The following TXNRD1 variants were observed in gnomAD, a reference collection of about 807,000 sequenced individuals.
TXNRD1 encodes thioredoxin reductase 1, cytoplasmic.
TXNRD1 carries 57 observed loss-of-function variants against 80.3 expected under a neutral mutation model. The ratio of observed to expected loss-of-function variants is 0.71; its 90% CI spans 0.57 to 0.89. TXNRD1 has a LOEUF of 0.89. Ranked by LOEUF, TXNRD1 falls within the 40% of genes least tolerant of loss-of-function variation. TXNRD1 has a pLI of 0.00. For synonymous variants in TXNRD1, 291 were observed against 285.2 expected, an observed-to-expected ratio of 1.02 and a Z score of -0.20; for missense variants, 730 against 803.0, an observed-to-expected ratio of 0.91 and a Z score of 1.10.
At position 104,313,334 on chromosome 12, in the gene TXNRD1, C is replaced by G. The variant is rs1264479504; in HGVS notation, c.610+17C>G. The G allele has an allele frequency of 2.6e-6, 4 of 1,554,428 alleles. No individual in the cohort carries two copies. The highest frequency in any genetic ancestry group is 2.4e-5 in the South Asian group (2 of 83,456). On this transcript the variant is annotated intron_variant, in intron 6 of 16. Coordinates refer to ENST00000525566, the MANE Select transcript of TXNRD1 (RefSeq NM_001093771.3). ...CTAGATGGGGTAAGCTTTTAAGATA[C>G]TCTAGAAGTGATGTTGCCGAAGTAG...
intron 16 of TXNRD1, among the ~76,000 whole-genome samples, chr12:104,345,806 T>C (rs2036469799): frequency 6.6e-6 from 1 of 152,056 alleles, no homozygotes; most frequent in African/African-American, 2.4e-5. Context: ...CACTCTAAAG[T>C]GAGGGAGCCT....
At chr12:104,235,293 C>G (rs962698592) in intron 1 of TXNRD1, among the ~76,000 whole-genome samples, 1 of 152,018 alleles carries the variant, frequency 6.6e-6, no homozygotes, top group Non-Finnish European at 1.5e-5. Context: ...GGGGTGGGGG[C>G]TACAAAAGTA....
chr12:104,246,200 G>A (rs2032989669), intron 1 of TXNRD1, among the ~76,000 whole-genome samples: 1 of 150,136 alleles, frequency 6.7e-6, no homozygotes, highest in Non-Finnish European at 1.5e-5. Flanking sequence ...GGCCGAGGCG[G>A]GTGGATCATG....
intron 7 of TXNRD1, among the ~76,000 whole-genome samples, chr12:104,317,256 G>A (rs2035361448): frequency 6.6e-6 from 1 of 152,092 alleles, no homozygotes; most frequent in African/African-American, 2.4e-5. Context: ...TTTTGTAGTG[G>A]TGGTAGACAG....
intron 4 of TXNRD1, among the ~76,000 whole-genome samples, chr12:104,303,190 C>T (rs1354067582): frequency 6.6e-6 from 1 of 152,154 alleles, no homozygotes; most frequent in Non-Finnish European, 1.5e-5. Flanking sequence ...GAGGCTCCCC[C>T]GATCCCACAG....
intron 15 of TXNRD1, among the ~76,000 whole-genome samples, chr12:104,336,129 T>C (rs146442901): frequency 0.011 from 1,686 of 152,362 alleles, 7 homozygotes; most frequent in Middle Eastern, 0.027. Flanking sequence ...TAACTGCCCC[T>C]GTCTCACTGA....
At chr12:104,299,735 C>G (rs1304598016) in intron 4 of TXNRD1, among the ~76,000 whole-genome samples, 5 of 148,814 alleles carry the variant, frequency 3.4e-5, no homozygotes, top group African/African-American at 1.2e-4. Flanking sequence ...CCATTGCACT[C>G]CAGCCTGGGT....
At chr12:104,337,163 G>A (rs2036166857) in intron 15 of TXNRD1, among the ~76,000 whole-genome samples, 1 of 151,918 alleles carries the variant, frequency 6.6e-6, no homozygotes. Context: ...TTATTACATG[G>A]AAATCTATTT....
At chr12:104,246,650 G>A (rs1479020574) in intron 1 of TXNRD1, among the ~76,000 whole-genome samples, 1 of 151,054 alleles carries the variant, frequency 6.6e-6, no homozygotes, top group Non-Finnish European at 1.5e-5. Context: ...AGCCTCCTGA[G>A]TAGCTGGGAT....
At chr12:104,251,441 T>C in intron 1 of TXNRD1, 86 bp from the exon 2 acceptor site, 1 of 1,414,578 alleles carries the variant, frequency 7.1e-7, no homozygotes. Context: ...TAAATGGTAA[T>C]GCTTTTAGAG....
intron 1 of TXNRD1, among the ~76,000 whole-genome samples, chr12:104,225,408 T>G (rs901252556): frequency 1.3e-5 from 2 of 152,206 alleles, no homozygotes; most frequent in African/African-American, 4.8e-5. Flanking sequence ...TGGGCACGTC[T>G]AATGAAACCT....
chr12:104,303,691 G>T, intron 4 of TXNRD1: 1 of 566,914 alleles, frequency 1.8e-6, no homozygotes, highest in Non-Finnish European at 2.9e-6. Context: ...CTGTCTTCCC[G>T]CGGAGCGTGC....
chr12:104,230,915 C>T (rs949411776), intron 1 of TXNRD1, among the ~76,000 whole-genome samples: 2 of 152,050 alleles, frequency 1.3e-5, no homozygotes, highest in African/African-American at 2.4e-5. Flanking sequence ...AAATGCAGGG[C>T]GCCATGATGT....
intron 10 of TXNRD1, among the ~76,000 whole-genome samples, chr12:104,324,235 A>G (rs1440386370): frequency 2.0e-5 from 3 of 152,206 alleles, no homozygotes; most frequent in Non-Finnish European, 4.4e-5. Flanking sequence ...AGACTTCTCC[A>G]GTATGTTCAG....
intron 1 of TXNRD1, among the ~76,000 whole-genome samples, chr12:104,224,558 GT>G (rs113947836): frequency 6.6e-6 from 1 of 151,860 alleles, no homozygotes; most frequent in African/African-American, 2.4e-5. Flanking sequence ...GCTAATTTTT[GT>G]TTTTTTAGTA....
intron 4 of TXNRD1, chr12:104,304,348 G>GT (rs2034790707): frequency 6.2e-7 from 1 of 1,613,926 alleles, no homozygotes; most frequent in African/African-American, 1.3e-5. Flanking sequence ...ATCCTGACAA[G>GT]TTGAGTGATT....
chr12:104,342,184 C>T (rs2036348916), intron 16 of TXNRD1, among the ~76,000 whole-genome samples: 1 of 152,104 alleles, frequency 6.6e-6, no homozygotes, highest in Non-Finnish European at 1.5e-5. Context: ...TGCTCCCTCC[C>T]CAGATGTAGG....
At chr12:104,323,166 A>T (rs1483652555) in intron 10 of TXNRD1, among the ~76,000 whole-genome samples, 1 of 132,238 alleles carries the variant, frequency 7.6e-6, no homozygotes, top group African/African-American at 2.9e-5. Context: ...AATTTTTCTT[A>T]GTGCAGAACA....
chr12:104,335,361 C>T (rs1402321706), intron 15 of TXNRD1, among the ~76,000 whole-genome samples: 1 of 152,016 alleles, frequency 6.6e-6, no homozygotes, highest in Non-Finnish European at 1.5e-5. Flanking sequence ...ACCACCATGC[C>T]CAGCTATTCT....
Sources: allele counts gnomAD v4.1 joint callset (sites outside exome capture counted in the v4.1 genomes callset), GRCh38; gene constraint gnomAD v4.1.1; transcripts MANE v1.5; gene names NCBI Gene and HGNC (gene_info 2026-07-23, HGNC 2026-07-21).